The following FAM171A1 variants were observed in gnomAD, a reference collection of about 807,000 sequenced individuals.
The protein encoded by FAM171A1 is protein FAM171A1.
A neutral mutation model predicts 74.9 loss-of-function variants in FAM171A1; 23 were observed. The observed-to-expected ratio is 0.31, with a 90% CI of 0.22 to 0.44. The LOEUF (loss-of-function observed/expected upper bound fraction) is 0.44, where lower values mean the gene tolerates loss of function less well. Ranked by LOEUF, FAM171A1 falls within the 20% of genes least tolerant of loss-of-function variation. FAM171A1 has a pLI of 1.00. For synonymous variants in FAM171A1, 527 were observed against 505.7 expected, an observed-to-expected ratio of 1.04 and a Z score of -0.57; for missense variants, 1,162 against 1,159.2, an observed-to-expected ratio of 1.00 and a Z score of -0.03.
chr10:15,248,851 A>G lies in FAM171A1; in HGVS notation c.578-36T>C, dbSNP rs180671871. 22 of 1,582,280 alleles carry G rather than the reference A, an allele frequency of 1.4e-5. No homozygotes were observed. In the Admixed American group the frequency reaches 3.5e-4, roughly 25 times the overall value. On this transcript the variant is annotated intron_variant, in intron 4 of 7. Transcript: ENST00000378116. ...GAGGCATTTTCCATCATTTGCATGC[A>G]AAGTACCCATGTGGGGCTGTGGAAA...
At chr10:15,304,162 T>G (rs575732097) in intron 1 of FAM171A1, among the ~76,000 whole-genome samples, 2 of 152,204 alleles carry the variant, frequency 1.3e-5, no homozygotes, top group African/African-American at 4.8e-5. Flanking sequence ...GATGAGGAAC[T>G]TGAGGTTTTC....
chr10:15,265,578 G>GAA (rs58125400), intron 3 of FAM171A1, among the ~76,000 whole-genome samples: 386 of 37,728 alleles, frequency 0.01, 35 homozygotes, highest in East Asian at 0.04. Flanking sequence ...TGGTGCCTCT[G>GAA]AAAAAAAAAA....
At chr10:15,227,221 G>A (rs1039475495) in intron 5 of FAM171A1, among the ~76,000 whole-genome samples, 3 of 152,084 alleles carry the variant, frequency 2.0e-5, no homozygotes, top group Non-Finnish European at 4.4e-5. Flanking sequence ...GGCTGGTCTC[G>A]AACTCCTTAC....
At chr10:15,218,911 T>C (rs1321399085) in intron 6 of FAM171A1, among the ~76,000 whole-genome samples, 1 of 152,142 alleles carries the variant, frequency 6.6e-6, no homozygotes, top group Non-Finnish European at 1.5e-5. Context: ...ATGCTTTTTA[T>C]AGCCTTGAGT....
chr10:15,373,969 G>A (rs548405711), upstream of FAM171A1, among the ~76,000 whole-genome samples: 10 of 152,246 alleles, frequency 6.6e-5, no homozygotes, highest in South Asian at 1.9e-3. Flanking sequence ...TAAAGCCATC[G>A]TTTTCAGTTT....
chr10:15,283,728 GT>G, intron 2 of FAM171A1, 149 bp downstream of exon 2: 1 of 715,300 alleles, frequency 1.4e-6, no homozygotes, highest in Non-Finnish European at 2.4e-6. Flanking sequence ...GGGACTACAG[GT>G]GCACACTATG....
Position 15,369,821 on chromosome 10 carries a change from T to G in FAM171A1, c.97+1135A>C, listed in dbSNP as rs546670710. On this transcript the variant is annotated intron_variant, in intron 1 of 7. Coordinates refer to ENST00000378116, the MANE Select transcript of FAM171A1 (RefSeq NM_001010924.2). Reference sequence around the variant, plus strand: ...TGCAGCACTCCTCGTTTCTTTGGCCTGCAGGGCCAACTTTGCAGGACACAC... The same window carrying G: ...TGCAGCACTCCTCGTTTCTTTGGCCGGCAGGGCCAACTTTGCAGGACACAC... Among the ~76,000 whole-genome samples, 15 of 152,314 alleles carry G rather than the reference T, an allele frequency of 9.8e-5. No homozygotes were observed. In the East Asian group the frequency reaches 2.1e-3, roughly 22 times the overall value.
At chr10:15,226,636 T>TAAATCTATAAAAAATCTAAAAA (rs1834111233) in intron 5 of FAM171A1, among the ~76,000 whole-genome samples, 1 of 152,198 alleles carries the variant, frequency 6.6e-6, no homozygotes, top group Non-Finnish European at 1.5e-5. Flanking sequence ...CATTTCCTCC[T>TAAATCTATAAAAAATCTAAAAA]GCTCTGTGAA....
intron 5 of FAM171A1, among the ~76,000 whole-genome samples, chr10:15,230,745 T>C (rs148316147): frequency 7.2e-5 from 11 of 152,366 alleles, no homozygotes; most frequent in Non-Finnish European, 1.2e-4. Flanking sequence ...GGCAGACTTA[T>C]AGAAACTTTA....
Position 15,275,859 on chromosome 10 carries a change from G to T in FAM171A1, c.414C>A (p.Phe138Leu), listed in dbSNP as rs768842517. 6.3e-7 allele frequency: 1 copy of T among 1,599,084 alleles called. No individual in the cohort carries two copies. Among genetic ancestry groups the T allele is most frequent in the Non-Finnish European group, 8.5e-7 (1 of 1,169,684 alleles). The change falls in exon 3 of 8, where the codon TTC (phenylalanine) becomes TTA (leucine). Residue 138 changes from phenylalanine to leucine, a missense_variant. By Grantham distance (22) the Phe-to-Leu change is conservative. Transcript: ENST00000378116. ...YEDVVQIVSG[F>L]QGARPQPRVH... Reference sequence around the variant, plus strand: ...TGAAAAAAATATTAAATATACCTTGGAATCCTGATACTATTTGGACGACAT... The same window carrying T: ...TGAAAAAAATATTAAATATACCTTGTAATCCTGATACTATTTGGACGACAT...
chr10:15,248,817 T>A lies in FAM171A1; in HGVS notation c.578-2A>T. On this transcript the variant is annotated splice_acceptor_variant, in intron 4 of 7. Transcript: ENST00000378116. LOFTEE classifies it high-confidence loss of function. ...TCAGGTCATGCCTGGTGCTGTTTCC[T>A]AGAAGGAAGAGGCATTTTCCATCAT... is the stretch of plus-strand genomic sequence containing the variant. The A allele has an allele frequency of 6.2e-7, 1 of 1,600,540 alleles. No homozygotes were observed. The highest frequency in any genetic ancestry group is 8.5e-7 in the Non-Finnish European group (1 of 1,173,214).
At position 15,216,623 on chromosome 10, in the gene FAM171A1, A is replaced by G. The variant is rs115262775; in HGVS notation, c.872-513T>C. On this transcript the variant is annotated intron_variant, in intron 6 of 7. Transcript: ENST00000378116. ...TTTTTATAAATTTTTTTTAGAGGCA[A>G]TGTTCTCACTATGTTGCCTAGGTGG... 3.1e-3 allele frequency among the ~76,000 whole-genome samples: 471 copies of G among 151,992 alleles called. 1 individual carries two copies. Among genetic ancestry groups the G allele is most frequent in the African/African-American group, 0.01 (435 of 41,496 alleles).
intron 5 of FAM171A1, among the ~76,000 whole-genome samples, chr10:15,229,588 T>C (rs549652490): frequency 0.016 from 1,699 of 105,726 alleles, 30 homozygotes; most frequent in Non-Finnish European, 0.023. Flanking sequence ...GTCATCATCA[T>C]CACCATCATC....
intron 1 of FAM171A1, among the ~76,000 whole-genome samples, chr10:15,297,315 T>G (rs1835173585): frequency 6.6e-6 from 1 of 152,124 alleles, no homozygotes; most frequent in Non-Finnish European, 1.5e-5. Context: ...CACCTCGGAT[T>G]CCCAAAATGC....
At chr10:15,276,642 T>G (rs1834898787) in intron 2 of FAM171A1, among the ~76,000 whole-genome samples, 2 of 152,208 alleles carry the variant, frequency 1.3e-5, no homozygotes. Context: ...TAAAAGAATA[T>G]TCCCCCAATC....
intron 5 of FAM171A1, among the ~76,000 whole-genome samples, chr10:15,234,238 A>G (rs1324493031): frequency 6.6e-6 from 1 of 152,256 alleles, no homozygotes; most frequent in African/African-American, 2.4e-5. Flanking sequence ...TAGCTCATAC[A>G]AAAGTATAAA....
intron 1 of FAM171A1, among the ~76,000 whole-genome samples, chr10:15,317,742 A>G (rs1411890126): frequency 1.3e-5 from 2 of 152,200 alleles, no homozygotes; most frequent in Non-Finnish European, 2.9e-5. Context: ...ATTCATAAAT[A>G]TATACCCACT....
chr10:15,323,161 C>A (rs980065391), intron 1 of FAM171A1, among the ~76,000 whole-genome samples: 1 of 146,870 alleles, frequency 6.8e-6, no homozygotes, highest in Non-Finnish European at 1.5e-5. Context: ...AAAATTAAAA[C>A]TTAAATTACA....
chr10:15,358,803 C>A (rs1021738135), intron 1 of FAM171A1, among the ~76,000 whole-genome samples: 1 of 152,124 alleles, frequency 6.6e-6, no homozygotes, highest in Non-Finnish European at 1.5e-5. Context: ...ATTACCAGGC[C>A]CATGAAAAGC....
Sources: gnomAD v4.1 joint callset for allele counts (sites outside exome capture counted in the v4.1 genomes callset) on GRCh38, gnomAD v4.1.1 for gene constraint, MANE v1.5 for transcripts, NCBI Gene and HGNC (gene_info 2026-07-23, HGNC 2026-07-21) for gene names.